Variants in KIRREL3 observed in about 807,000 individuals in gnomAD.
The protein encoded by KIRREL3 is kirre like nephrin family adhesion molecule 3.
Under a neutral mutation model 89.7 loss-of-function variants are expected in KIRREL3, and 36 were observed. The observed-to-expected ratio is 0.40, with a 90% confidence interval of 0.31 to 0.53. The LOEUF is 0.53. Among genes scored for constraint, KIRREL3 ranks in the 20% least tolerant of loss-of-function variants. The probability of loss-of-function intolerance (pLI) is 0.49; values close to 1 mark genes in which losing one functional copy is unlikely to be tolerated. For missense variants in KIRREL3, 864 were observed against 1,056.6 expected, an observed-to-expected ratio of 0.82 and a Z score of 2.53; for synonymous variants, 445 against 441.4, an observed-to-expected ratio of 1.01 and a Z score of -0.10.
At position 126,557,005 on chromosome 11, in the gene KIRREL3, C is replaced by T. The variant is rs1418900598; in HGVS notation, c.133+5830G>A. ...AAAATGACGGTATTAGCCAACATCC[C>T]GGGGGCTCGGCAGGCAGTGGAGGAA... On this transcript the variant is annotated intron_variant, in intron 2 of 16. Transcript: ENST00000525144. This position sits in a 1 kb window ranked among gnomAD's most constrained non-coding sequence, Gnocchi z 5.6. 1.3e-5 allele frequency among the ~76,000 whole-genome samples: 2 copies of T among 152,176 alleles called. No homozygotes were observed. The highest frequency in any genetic ancestry group is 2.4e-5 in the African/African-American group (1 of 41,446).
chr11:126,646,187 C>T (rs1944662096), intron 1 of KIRREL3, among the ~76,000 whole-genome samples: 1 of 152,166 alleles, frequency 6.6e-6, no homozygotes, highest in South Asian at 2.1e-4. Flanking sequence ...CCCCTTGTAC[C>T]TTCGAGTCAG....
In KIRREL3 at chr11:126,895,969, C is replaced by T. The variant is rs1470339515; in HGVS notation, c.55+104486G>A. Among the ~76,000 whole-genome samples the T allele has an allele frequency of 3.3e-5, 5 of 152,312 alleles. No individual in the cohort carries two copies. The East Asian group carries it at 7.7e-4, about 23-fold the overall frequency. ...TTGTCACTAGAGCGAATGGCAAATT[C>T]TCATAGCTAGATAATGCAGAAATAA... On this transcript the variant is annotated intron_variant, in intron 1 of 16. Transcript: ENST00000525144.
chr11:126,868,447 A>C (rs1944996568), intron 1 of KIRREL3, among the ~76,000 whole-genome samples: 1 of 152,096 alleles, frequency 6.6e-6, no homozygotes, highest in Admixed American at 6.5e-5. Flanking sequence ...AGAGCAAAGG[A>C]GGGCTGGGAG....
rs11603114 is a variant in KIRREL3, at chr11:126,576,511, C to T, written c.56-13599G>A. 7.9e-5 allele frequency among the ~76,000 whole-genome samples: 12 copies of T among 152,254 alleles called. No homozygotes were observed. Among genetic ancestry groups the T allele is most frequent in the South Asian group, 6.2e-4 (3 of 4,818 alleles). On this transcript the variant is annotated intron_variant, in intron 1 of 16. Coordinates refer to ENST00000525144, the MANE Select transcript of KIRREL3 (RefSeq NM_032531.4). This position sits in a 1 kb window ranked among gnomAD's most constrained non-coding sequence, Gnocchi z 5.4. The stretch of plus-strand genomic sequence containing the variant: ...TTCTATGTAGTTCCTTTCCCTTACA[C>T]GTAATTTAGAGGTAGGAAGTTTCAT...
At chr11:126,727,815 G>A (rs1402805806) in intron 1 of KIRREL3, among the ~76,000 whole-genome samples, 3 of 152,232 alleles carry the variant, frequency 2.0e-5, no homozygotes, top group Non-Finnish European at 4.4e-5. Context: ...GGGGGAATGA[G>A]CACGTGGACA....
chr11:126,466,178 T>G (rs1293355521), intron 5 of KIRREL3, among the ~76,000 whole-genome samples: 3 of 152,190 alleles, frequency 2.0e-5, no homozygotes, highest in African/African-American at 7.2e-5. Flanking sequence ...TAATGACATA[T>G]TTACTGGGTC....
intron 7 of KIRREL3, among the ~76,000 whole-genome samples, chr11:126,453,239 C>T (rs2134224369): frequency 6.6e-6 from 1 of 152,212 alleles, no homozygotes; most frequent in South Asian, 2.1e-4. Context: ...CTCAAATAGA[C>T]CAAGGTTTCA....
chr11:126,451,190 C>CGT (rs1176219360), intron 7 of KIRREL3, among the ~76,000 whole-genome samples: 1 of 121,362 alleles, frequency 8.2e-6, no homozygotes, highest in South Asian at 2.8e-4. Context: ...TGAATGTGGC[C>CGT]GTGTGTGTGC....
intron 1 of KIRREL3, among the ~76,000 whole-genome samples, chr11:126,926,318 G>C (rs1947713427): frequency 6.6e-6 from 1 of 152,214 alleles, no homozygotes; most frequent in African/African-American, 2.4e-5. Context: ...TAGCCAGTGG[G>C]TTGTGAGAAC....
chr11:126,628,445 G>T lies in KIRREL3; in HGVS notation c.56-65533C>A, dbSNP rs1943882860. Among the ~76,000 whole-genome samples, 1 of 152,174 alleles carries T rather than the reference G, an allele frequency of 6.6e-6. No homozygotes were observed. The highest frequency in any genetic ancestry group is 2.1e-4 in the South Asian group (1 of 4,826). On this transcript the variant is annotated intron_variant, in intron 1 of 16. Transcript: ENST00000525144. The surrounding 1 kb of genome is among the most constrained non-coding windows in gnomAD (Gnocchi z 5.2). Reference sequence around the variant, plus strand: ...GATTTTGAGCACATGCCTAAACTTTGTACCCATGAGAGCACATAGTAGGTG... The same window carrying T: ...GATTTTGAGCACATGCCTAAACTTTTTACCCATGAGAGCACATAGTAGGTG...
At position 126,454,344 on chromosome 11, in the gene KIRREL3, C is replaced by G. The variant is rs1367648492; in HGVS notation, c.848+2005G>C. On this transcript the variant is annotated intron_variant, in intron 7 of 16. Transcript: ENST00000525144. This position sits in a 1 kb window ranked among gnomAD's most constrained non-coding sequence, Gnocchi z 5.8. ...GCGTGCAGCCCTGCTGTCTGCCCAGCCTACCCATCACTAGGACCCCAGGTG... is the reference window on the plus strand; with the variant it reads ...GCGTGCAGCCCTGCTGTCTGCCCAGGCTACCCATCACTAGGACCCCAGGTG... 6.6e-6 allele frequency among the ~76,000 whole-genome samples: 1 copy of G among 152,092 alleles called. No individual in the cohort carries two copies. Among genetic ancestry groups the G allele is most frequent in the Non-Finnish European group, 1.5e-5 (1 of 68,026 alleles).
chr11:126,681,493 A>C (rs1362125256), intron 1 of KIRREL3, among the ~76,000 whole-genome samples: 1 of 152,092 alleles, frequency 6.6e-6, no homozygotes, highest in Non-Finnish European at 1.5e-5. Context: ...CAGTTTATGG[A>C]GGGAGGCAGT....
At chr11:126,911,967 A>T (rs1177576734) in intron 1 of KIRREL3, among the ~76,000 whole-genome samples, 3 of 127,464 alleles carry the variant, frequency 2.4e-5, no homozygotes, top group Non-Finnish European at 3.2e-5. Flanking sequence ...TGGGCGACAG[A>T]GCGAGACTCT....
rs1943595931 is a variant in KIRREL3 at position 126,622,050 on chromosome 11, GGGTGAAT to G, written c.56-59145_56-59139del. Among the ~76,000 whole-genome samples, 1 of 152,154 alleles carries G rather than the reference GGGTGAAT, an allele frequency of 6.6e-6. No individual in the cohort carries two copies. Among genetic ancestry groups the G allele is most frequent in the Non-Finnish European group, 1.5e-5 (1 of 68,020 alleles). On this transcript the variant is annotated intron_variant, in intron 1 of 16. Coordinates refer to ENST00000525144, the MANE Select transcript of KIRREL3 (RefSeq NM_032531.4). This position sits in a 1 kb window ranked among gnomAD's most constrained non-coding sequence, Gnocchi z 5.2. ...ACAGTTGAGGTGCTGCCCATGGGCT[GGGTGAAT>G]GGTGGTGGGTGTGGTAATGGGGCAT...
intron 1 of KIRREL3, among the ~76,000 whole-genome samples, chr11:126,658,320 G>T (rs10790819): frequency 6.6e-6 from 1 of 151,982 alleles, no homozygotes. Flanking sequence ...AATTATCTAG[G>T]GAAACTCATA....
At chr11:126,832,259 C>T (rs10750352) in intron 1 of KIRREL3, among the ~76,000 whole-genome samples, 90,522 of 152,018 alleles carry the variant, frequency 0.6, 27,044 homozygotes, top group East Asian at 0.69. Context: ...CTGGGTTAAA[C>T]GTGCACACTG....
chr11:126,538,667 T>C (rs565269508), intron 2 of KIRREL3, among the ~76,000 whole-genome samples: 1 of 152,066 alleles, frequency 6.6e-6, no homozygotes, highest in Non-Finnish European at 1.5e-5. Flanking sequence ...CGGATAAAAA[T>C]GGATTTTTAT....
At chr11:126,452,616 G>A (rs1158527171) in intron 7 of KIRREL3, among the ~76,000 whole-genome samples, 1 of 152,230 alleles carries the variant, frequency 6.6e-6, no homozygotes, top group East Asian at 1.9e-4. Context: ...CTCACCAGGA[G>A]CATCACGGAG....
At chr11:126,934,591 TATA>T (rs1464897776) in intron 1 of KIRREL3, among the ~76,000 whole-genome samples, 1 of 152,110 alleles carries the variant, frequency 6.6e-6, no homozygotes, top group Non-Finnish European at 1.5e-5. Flanking sequence ...ACTCTTAAAA[TATA>T]ATAATAAGTA....
Sources: allele counts gnomAD v4.1 joint callset (sites outside exome capture counted in the v4.1 genomes callset), GRCh38; gene constraint gnomAD v4.1.1; non-coding constraint Gnocchi (gnomAD v3.1); transcripts MANE v1.5; gene names NCBI Gene and HGNC (gene_info 2026-07-23, HGNC 2026-07-21).